The following NAA15 variants were observed in gnomAD, a reference collection of about 807,000 sequenced individuals.
NAA15 encodes N-alpha-acetyltransferase 15, NatA auxiliary subunit, also known as N-terminal acetyltransferase.
A neutral mutation model predicts 114.0 loss-of-function variants in NAA15; 34 were observed. The observed-to-expected ratio is 0.30, with a 90% CI of 0.23 to 0.40. NAA15 has a LOEUF of 0.40. Ranked by LOEUF, NAA15 falls within the 10% of genes least tolerant of loss-of-function variation. The pLI is 1.00. For missense variants in NAA15, 658 were observed against 1,004.5 expected, an observed-to-expected ratio of 0.66 and a Z score of 4.66; for synonymous variants, 340 against 338.0, an observed-to-expected ratio of 1.01 and a Z score of -0.06.
At chr4:139,325,118 G>A (rs1746752931) in intron 1 of NAA15, among the ~76,000 whole-genome samples, 2 of 151,510 alleles carry the variant, frequency 1.3e-5, no homozygotes, top group South Asian at 4.2e-4. Context: ...AAGGGGCGGG[G>A]GGTTTAGTTT....
Position 139,388,146 on chromosome 4 carries a change from A to T in NAA15, c.*62A>T. ...ATATCTAGTATATAATATTTTTGTC[A>T]CGCACCTGCTGCATTGCTCTAACTT... On this transcript the variant is annotated 3_prime_UTR_variant, in exon 20 of 20. Transcript: ENST00000296543. 7.1e-7 allele frequency: 1 copy of T among 1,404,852 alleles called. No individual in the cohort carries two copies. Among genetic ancestry groups the T allele is most frequent in the Non-Finnish European group, 9.9e-7 (1 of 1,009,378 alleles). The allele number at this position is 1,404,852 out of a possible 1,614,324, so 87.0% of individuals were successfully genotyped here. A position where few individuals can be genotyped will look rare whatever the true frequency, so the allele number is the denominator to read the frequency against.
At position 139,351,578 on chromosome 4, in the gene NAA15, T is replaced by C; in HGVS notation, c.981T>C (p.Asn327=). ...GCAAGGGTTGCCCACCAGTCTTCAA[T>C]ACTTTAAGATCATTATACAAAGACA... ...NFSKGCPPVF[N]TLRSLYKDKE... is the part of the protein sequence containing the mutation. The change falls in exon 9 of 20, where the codon AAT becomes AAC. Residue 327 remains asparagine, a synonymous_variant. Transcript: ENST00000296543. 6.3e-7 allele frequency: 1 copy of C among 1,585,830 alleles called. No homozygotes were observed. Among genetic ancestry groups the C allele is most frequent in the Non-Finnish European group, 8.7e-7 (1 of 1,154,462 alleles).
intron 3 of NAA15, among the ~76,000 whole-genome samples, chr4:139,337,223 C>CT (rs1165267892): frequency 1.3e-5 from 2 of 152,124 alleles, no homozygotes; most frequent in Non-Finnish European, 2.9e-5. Flanking sequence ...TTGCTAGGGT[C>CT]TGAATATTTG....
Position 139,301,643 on chromosome 4 carries a change from G to C in NAA15, c.-135G>C, listed in dbSNP as rs747044080. The C allele has an allele frequency of 9.9e-7, 1 of 1,008,886 alleles. No homozygotes were observed. Among genetic ancestry groups the C allele is most frequent in the Non-Finnish European group, 1.4e-6 (1 of 690,834 alleles). 62.5% of individuals were successfully genotyped at this position (1,008,886 alleles called of 1,614,324 possible). ...AGGTGTCCGGGTAGGGCAACGCGGC[G>C]ACACCCGAGGCCTGGTGGTGGCGGC... On this transcript the variant is annotated 5_prime_UTR_variant, in exon 1 of 20. Transcript: ENST00000296543.
At position 139,375,442 on chromosome 4, in the gene NAA15, GCTTTTCTTTT is replaced by G. The variant is rs377281694; in HGVS notation, c.1948-902_1948-893del. 1.6e-3 allele frequency among the ~76,000 whole-genome samples: 237 copies of G among 147,324 alleles called. 1 individual carries two copies. Among genetic ancestry groups the G allele is most frequent in the African/African-American group, 5.1e-3 (206 of 40,076 alleles). On this transcript the variant is annotated intron_variant, in intron 15 of 19. Coordinates refer to ENST00000296543, the MANE Select transcript of NAA15 (RefSeq NM_057175.5). ...TGAATCCCATAGAATTCACTTCACT[GCTTTTCTTTT>G]CTTTTCTTTTCTTTTCTTTTTTTAA...
chr4:139,333,222 G>C (rs1747084179), intron 1 of NAA15, among the ~76,000 whole-genome samples: 1 of 151,928 alleles, frequency 6.6e-6, no homozygotes, highest in Non-Finnish European at 1.5e-5. Flanking sequence ...CCATGGATAT[G>C]GGGCCTGACT....
At chr4:139,362,159 T>G (rs1187004535) in intron 14 of NAA15, among the ~76,000 whole-genome samples, 1 of 152,264 alleles carries the variant, frequency 6.6e-6, no homozygotes, top group African/African-American at 2.4e-5. Flanking sequence ...AGTTTGCATG[T>G]TATGAGTTTT....
At position 139,343,285 on chromosome 4, in the gene NAA15, T is replaced by A. The variant is rs566928002; in HGVS notation, c.537+325T>A. The stretch of plus-strand genomic sequence containing the variant: ...AAAATAACTGTATAGTTTTCAGTTC[T>A]CTAGATAGTATTATAGGGATAGATT... On this transcript the variant is annotated intron_variant, in intron 5 of 19. Transcript: ENST00000296543. Among the ~76,000 whole-genome samples the A allele has an allele frequency of 2.7e-3, 408 of 152,304 alleles. 1 individual carries two copies. Among genetic ancestry groups the A allele is most frequent in the Non-Finnish European group, 4.2e-3 (287 of 68,016 alleles).
chr4:139,366,452 A>G (rs1236436312), intron 14 of NAA15, among the ~76,000 whole-genome samples: 1 of 152,152 alleles, frequency 6.6e-6, no homozygotes, highest in African/African-American at 2.4e-5. Flanking sequence ...CTGACATCAC[A>G]CCATTACTTC....
intron 1 of NAA15, among the ~76,000 whole-genome samples, chr4:139,322,911 G>A (rs1407901184): frequency 6.6e-6 from 1 of 151,938 alleles, no homozygotes; most frequent in Non-Finnish European, 1.5e-5. Context: ...GGTTGGTCTC[G>A]AACTCCTGAC....
chr4:139,376,996 A>T (rs1748597523), intron 16 of NAA15, among the ~76,000 whole-genome samples: 1 of 152,180 alleles, frequency 6.6e-6, no homozygotes, highest in Admixed American at 6.5e-5. Context: ...TAAAAGATGA[A>T]TGAAGGGTCT....
intron 1 of NAA15, among the ~76,000 whole-genome samples, chr4:139,328,828 C>T (rs113114636): frequency 0.055 from 8,274 of 150,204 alleles, 255 homozygotes; most frequent in East Asian, 0.1. Context: ...TGCCTCCCAG[C>T]GTGTTGGGAT....
intron 14 of NAA15, among the ~76,000 whole-genome samples, 159 bp downstream of exon 14, chr4:139,362,096 G>T (rs1230932049): frequency 6.6e-6 from 1 of 152,168 alleles, no homozygotes; most frequent in Admixed American, 6.6e-5. Context: ...TTACTTTTAT[G>T]CTTCCAAAGT....
At chr4:139,330,723 G>A (rs1487923367) in intron 1 of NAA15, among the ~76,000 whole-genome samples, 1 of 152,126 alleles carries the variant, frequency 6.6e-6, no homozygotes, top group Non-Finnish European at 1.5e-5. Flanking sequence ...CAAAACAACA[G>A]CATTGGAAGG....
At chr4:139,354,218 C>G (rs1296628962) in intron 10 of NAA15, 120 bp downstream of exon 10, 1 of 712,064 alleles carries the variant, frequency 1.4e-6, no homozygotes, top group East Asian at 2.7e-5. Flanking sequence ...AAATTTTTTT[C>G]TCTTTGAGAG....
At chr4:139,332,884 T>C (rs1747070159) in intron 1 of NAA15, among the ~76,000 whole-genome samples, 1 of 152,136 alleles carries the variant, frequency 6.6e-6, no homozygotes, top group Admixed American at 6.6e-5. Flanking sequence ...GCCTGGCCTC[T>C]TATATAGTCT....
intron 1 of NAA15, among the ~76,000 whole-genome samples, chr4:139,324,676 A>G (rs1397597116): frequency 1.3e-5 from 2 of 152,248 alleles, no homozygotes. Flanking sequence ...TCACGCCTGT[A>G]ATCCCAGCAC....
In NAA15 at chr4:139,360,486, T is replaced by C; in HGVS notation, c.1411-14T>C. 6.6e-7 allele frequency: 1 copy of C among 1,526,712 alleles called. No individual in the cohort carries two copies. The highest frequency in any genetic ancestry group is 8.8e-7 in the Non-Finnish European group (1 of 1,138,386). 94.6% of individuals were successfully genotyped at this position (1,526,712 alleles called of 1,614,324 possible). ...GATAAAAAGTGATCTTGAAAATATT[T>C]GATTTCTGTATAGGAAGGAACATCA... On this transcript the variant is annotated splice_polypyrimidine_tract_variant and intron_variant, in intron 12 of 19. Coordinates refer to ENST00000296543, the MANE Select transcript of NAA15 (RefSeq NM_057175.5).
intron 11 of NAA15, among the ~76,000 whole-genome samples, chr4:139,359,389 A>G (rs552483240): frequency 3.9e-5 from 6 of 152,158 alleles, no homozygotes; most frequent in Non-Finnish European, 8.8e-5. Flanking sequence ...GGCCTCCCAA[A>G]GTGCTGGGAT....
Sources: gnomAD v4.1 joint callset for allele counts (sites outside exome capture counted in the v4.1 genomes callset) on GRCh38, gnomAD v4.1.1 for gene constraint, MANE v1.5 for transcripts, NCBI Gene and HGNC (gene_info 2026-07-23, HGNC 2026-07-21) for gene names.